Variants in NELL1 observed in about 807,000 individuals in gnomAD.
NELL1 encodes protein kinase C-binding protein NELL1.
In NELL1, 76 loss-of-function variants were observed where a neutral mutation model predicts 107.4. The ratio of observed to expected loss-of-function variants is 0.71; its 90% CI spans 0.59 to 0.86. The LOEUF (loss-of-function observed/expected upper bound fraction) is 0.86, where lower values mean the gene tolerates loss of function less well. Ranked by LOEUF, NELL1 falls within the 40% of genes least tolerant of loss-of-function variation. The pLI is 0.00. For missense variants in NELL1, 1,024 were observed against 1,005.5 expected, an observed-to-expected ratio of 1.02 and a Z score of -0.25; for synonymous variants, 353 against 341.2, an observed-to-expected ratio of 1.03 and a Z score of -0.38.
At chr11:21,269,982 G>A (rs1053330933) in intron 14 of NELL1, among the ~76,000 whole-genome samples, 1 of 151,976 alleles carries the variant, frequency 6.6e-6, no homozygotes, top group Non-Finnish European at 1.5e-5. Context: ...TTATCTAAGG[G>A]TATGCTGGGA....
At chr11:20,677,107 A>T (rs369139616) in intron 1 of NELL1, among the ~76,000 whole-genome samples, 1 of 152,274 alleles carries the variant, frequency 6.6e-6, no homozygotes, top group East Asian at 1.9e-4. Context: ...AGGTTCTCTA[A>T]AAAGAGTTAT....
At chr11:21,047,382 T>C (rs1240744875) in intron 12 of NELL1, among the ~76,000 whole-genome samples, 1 of 152,160 alleles carries the variant, frequency 6.6e-6, no homozygotes, top group Non-Finnish European at 1.5e-5. Flanking sequence ...TTTATAATAA[T>C]TGGTGTCAAA....
At chr11:21,139,121 T>A (rs1433402297) in intron 13 of NELL1, among the ~76,000 whole-genome samples, 1 of 152,208 alleles carries the variant, frequency 6.6e-6, no homozygotes, top group Non-Finnish European at 1.5e-5. Context: ...AGCAGGTCCA[T>A]CTTACTTCTG....
intron 14 of NELL1, among the ~76,000 whole-genome samples, chr11:21,355,125 A>G (rs10500905): frequency 0.068 from 10,357 of 152,224 alleles, 507 homozygotes; most frequent in South Asian, 0.13. Context: ...TTGCATGTTA[A>G]AATGTGAACA....
chr11:20,909,702 T>C (rs2134145553), intron 5 of NELL1, among the ~76,000 whole-genome samples: 1 of 152,244 alleles, frequency 6.6e-6, no homozygotes, highest in South Asian at 2.1e-4. Flanking sequence ...CTCATGCCAT[T>C]TTCTCTTCTG....
At chr11:20,924,211 T>C (rs75098720) in intron 7 of NELL1, among the ~76,000 whole-genome samples, 2 of 152,344 alleles carry the variant, frequency 1.3e-5, no homozygotes, top group Non-Finnish European at 2.9e-5. Context: ...ATTTTTTGAT[T>C]CACAGTTGTT....
At chr11:21,371,040 T>C in intron 15 of NELL1, 92 bp downstream of exon 15, 1 of 981,124 alleles carries the variant, frequency 1.0e-6, no homozygotes, top group African/African-American at 1.6e-5. Context: ...GAAATAATAC[T>C]GTGGGTTGAC....
intron 14 of NELL1, among the ~76,000 whole-genome samples, chr11:21,244,474 G>A (rs1440620617): frequency 1.3e-5 from 2 of 152,108 alleles, no homozygotes; most frequent in Non-Finnish European, 2.9e-5. Context: ...TGAATGTACA[G>A]AGAATAAAAT....
At chr11:20,921,529 G>T (rs2134163755) in intron 7 of NELL1, among the ~76,000 whole-genome samples, 1 of 152,070 alleles carries the variant, frequency 6.6e-6, no homozygotes, top group Middle Eastern at 3.4e-3. Context: ...GACAAGAAAG[G>T]GTTAAGAAGA....
Position 21,209,345 on chromosome 11 carries a change from AT to A in NELL1, c.1427-19986del, listed in dbSNP as rs1351170914. Among the ~76,000 whole-genome samples, 1,152 of 148,688 alleles carry A rather than the reference AT, an allele frequency of 7.7e-3. 13 individuals are homozygous for A. The highest frequency in any genetic ancestry group is 0.025 in the African/African-American group (1,016 of 40,948). On this transcript the variant is annotated intron_variant, in intron 13 of 19. Transcript: ENST00000357134. Reference sequence around the variant, plus strand: ...ATATGTATATATTATATATATATATATATAAAATACATAATTACTTCTTACC... The same window carrying A: ...ATATGTATATATTATATATATATATAATAAAATACATAATTACTTCTTACC...
At chr11:21,440,586 T>C (rs568892197) in intron 15 of NELL1, among the ~76,000 whole-genome samples, 2 of 152,122 alleles carry the variant, frequency 1.3e-5, no homozygotes, top group African/African-American at 4.8e-5. Context: ...AGCCAAGGCA[T>C]TAATATAACA....
At chr11:20,735,178 C>T (rs11025730) in intron 2 of NELL1, among the ~76,000 whole-genome samples, 18,210 of 152,090 alleles carry the variant, frequency 0.12, 1,183 homozygotes, top group Non-Finnish European at 0.15. Context: ...GGTGAGCAGT[C>T]GGGTCAAATG....
At chr11:21,311,284 G>C (rs1338067371) in intron 14 of NELL1, among the ~76,000 whole-genome samples, 1 of 152,054 alleles carries the variant, frequency 6.6e-6, no homozygotes, top group African/African-American at 2.4e-5. Context: ...TGGAATATAT[G>C]TCTTTAAGGC....
chr11:21,381,282 GAA>G (rs1851601283), intron 15 of NELL1, among the ~76,000 whole-genome samples: 1 of 151,772 alleles, frequency 6.6e-6, no homozygotes, highest in Non-Finnish European at 1.5e-5. Context: ...CCTAAGACAG[GAA>G]AAGAGTAAAC....
intron 13 of NELL1, among the ~76,000 whole-genome samples, chr11:21,219,610 G>C (rs1362832140): frequency 1.3e-5 from 2 of 152,112 alleles, no homozygotes; most frequent in African/African-American, 4.8e-5. Flanking sequence ...ATTAATTTAG[G>C]TCTCACATTT....
At chr11:21,473,598 G>A (rs1854238984) in intron 15 of NELL1, among the ~76,000 whole-genome samples, 1 of 152,044 alleles carries the variant, frequency 6.6e-6, no homozygotes, top group Non-Finnish European at 1.5e-5. Flanking sequence ...TATTCCCTCA[G>A]AACAGAGATA....
intron 13 of NELL1, among the ~76,000 whole-genome samples, chr11:21,228,748 C>T (rs1339217903): frequency 2.3e-4 from 30 of 128,516 alleles, no homozygotes; most frequent in African/African-American, 8.3e-4. Flanking sequence ...CCCTCCCCTG[C>T]CCTCCCCTCC....
chr11:21,024,472 T>C, intron 12 of NELL1, among the ~76,000 whole-genome samples: 1 of 152,138 alleles, frequency 6.6e-6, no homozygotes, highest in Non-Finnish European at 1.5e-5. Flanking sequence ...TTCTACCACT[T>C]TGAAGTGTTA....
chr11:21,157,461 A>G (rs949520699), intron 13 of NELL1, among the ~76,000 whole-genome samples: 13 of 152,172 alleles, frequency 8.5e-5, no homozygotes, highest in African/African-American at 2.9e-4. Flanking sequence ...ATCAGCTTCT[A>G]TGCATTTTTG....
Sources: gnomAD v4.1 joint callset for allele counts (sites outside exome capture counted in the v4.1 genomes callset) on GRCh38, gnomAD v4.1.1 for gene constraint, MANE v1.5 for transcripts, NCBI Gene and HGNC (gene_info 2026-07-23, HGNC 2026-07-21) for gene names.